The following SCYL2 variants were observed in gnomAD, a reference collection of about 807,000 sequenced individuals.
SCYL2 encodes the protein SCY1-like protein 2.
Under a neutral mutation model 100.4 loss-of-function variants are expected in SCYL2, and 36 were observed. The observed-to-expected ratio is 0.36, with a 90% CI of 0.27 to 0.47. SCYL2 has a LOEUF of 0.47. SCYL2 is among the 20% of genes least tolerant of loss of function. The pLI is 1.00. For missense variants in SCYL2, 902 were observed against 1,083.9 expected, an observed-to-expected ratio of 0.83 and a Z score of 2.36; for synonymous variants, 330 against 359.2, an observed-to-expected ratio of 0.92 and a Z score of 0.92.
intron 11 of SCYL2, 50 bp downstream of exon 11, chr12:100,323,688 T>G (rs1474974322): frequency 2.1e-6 from 2 of 940,586 alleles, no homozygotes; most frequent in Non-Finnish European, 3.3e-6. Context: ...TGTCAGTGCT[T>G]TAAATCATTT....
chr12:100,323,520 T>G lies in SCYL2; in HGVS notation c.1396-5T>G, dbSNP rs7971710. On this transcript the variant is annotated splice_region_variant and splice_polypyrimidine_tract_variant and intron_variant, in intron 10 of 17. Transcript: ENST00000360820. Reference sequence around the variant, plus strand: ...TAATATTGATTCAGTTTATTTTCTTTATAGGAGCTCTGTCTAAACATCATT... The same window carrying G: ...TAATATTGATTCAGTTTATTTTCTTGATAGGAGCTCTGTCTAAACATCATT... 14,620 of 1,503,512 alleles carry G rather than the reference T, an allele frequency of 9.7e-3. 889 individuals are homozygous for G. In the African/African-American group the frequency reaches 0.14, roughly 15 times the overall value. 93.1% of individuals were successfully genotyped at this position (1,503,512 alleles called of 1,614,324 possible). A position where few individuals can be genotyped will look rare whatever the true frequency, so the allele number is the denominator to read the frequency against.
intron 1 of SCYL2, among the ~76,000 whole-genome samples, chr12:100,282,046 C>G (rs910242117): frequency 6.6e-6 from 1 of 151,998 alleles, no homozygotes; most frequent in African/African-American, 2.4e-5. Flanking sequence ...GAGACAGAGT[C>G]TGGTGCTGTC....
intron 1 of SCYL2, among the ~76,000 whole-genome samples, chr12:100,272,600 G>A (rs906554422): frequency 6.6e-6 from 1 of 152,028 alleles, no homozygotes; most frequent in Admixed American, 6.6e-5. Context: ...TGTCATTCAG[G>A]CAGCTCAAAT....
intron 1 of SCYL2, among the ~76,000 whole-genome samples, chr12:100,280,999 A>G (rs1210141407): frequency 1.3e-5 from 1 of 76,116 alleles, no homozygotes; most frequent in African/African-American, 4.9e-5. Context: ...TGTGTATTTT[A>G]TTGTCCCTTT....
At position 100,298,017 on chromosome 12, in the gene SCYL2, CT is replaced by C. The variant is rs1566353868; in HGVS notation, c.336-8del. ...ATAATATGATAGTAAATAACTTTTT[CT>C]TTTTTAAAACAGGGATTGCTTGGCA... On this transcript the variant is annotated splice_polypyrimidine_tract_variant and intron_variant, in intron 3 of 17. Transcript: ENST00000360820. 6.3e-7 allele frequency: 1 copy of C among 1,595,832 alleles called. No homozygotes were observed. The highest frequency in any genetic ancestry group is 8.5e-7 in the Non-Finnish European group (1 of 1,172,030).
intron 2 of SCYL2, among the ~76,000 whole-genome samples, chr12:100,284,377 T>G (rs2096302194): frequency 6.6e-6 from 1 of 152,224 alleles, no homozygotes; most frequent in Non-Finnish European, 1.5e-5. Flanking sequence ...TTTCTGTATT[T>G]ATTGCTTTGG....
At chr12:100,329,417 G>A (rs1952180755) in intron 13 of SCYL2, 98 bp downstream of exon 13, 1 of 607,940 alleles carries the variant, frequency 1.6e-6, no homozygotes, top group South Asian at 2.4e-5. Context: ...AAAAAAAAAG[G>A]GTGAGGGGAG....
intron 11 of SCYL2, among the ~76,000 whole-genome samples, chr12:100,325,022 G>C (rs1440251076): frequency 6.6e-6 from 1 of 152,062 alleles, no homozygotes; most frequent in African/African-American, 2.4e-5. Context: ...CGAGCACTGA[G>C]TTCAAGACGA....
At chr12:100,294,821 C>T (rs1252762751) in intron 3 of SCYL2, among the ~76,000 whole-genome samples, 3 of 148,422 alleles carry the variant, frequency 2.0e-5, no homozygotes, top group East Asian at 4.0e-4. Context: ...CCCTCCCGGA[C>T]GGGGTGGCTG....
At chr12:100,320,581 TAAATA>T (rs1485906909) in intron 10 of SCYL2, among the ~76,000 whole-genome samples, 3 of 150,118 alleles carry the variant, frequency 2.0e-5, no homozygotes, top group African/African-American at 7.4e-5. Context: ...AATAAATAAA[TAAATA>T]AATAAATAAA....
At position 100,312,562 on chromosome 12, in the gene SCYL2, C is replaced by T. The variant is rs190122803; in HGVS notation, c.761C>T (p.Thr254Ile). The T allele has an allele frequency of 6.2e-6, 10 of 1,612,608 alleles. No homozygotes were observed. In the African/African-American group the frequency reaches 1.3e-4, roughly 22 times the overall value. ...ETASDMYSLG[T>I]VMYAVFNKGK... ...GCCAGTGATATGTATTCTTTAGGAA[C>T]TGTTATGTATGCTGTATTTAATAAA... The change falls in exon 6 of 18, where the codon ACT (threonine) becomes ATT (isoleucine). Residue 254 changes from threonine (T) to isoleucine (I), a missense_variant. Thr to Ile is a moderately conservative substitution (Grantham distance 89). Transcript: ENST00000360820.
Position 100,334,162 on chromosome 12 carries a change from C to T in SCYL2, c.1762-4C>T, listed in dbSNP as rs571848269. ...GTAACCATATCAATTTCTCATTATA[C>T]CAGTTCAATTCTTTCATTTCCGTCA... On this transcript the variant is annotated splice_region_variant and splice_polypyrimidine_tract_variant and intron_variant, in intron 13 of 17. Transcript: ENST00000360820. The T allele has an allele frequency of 1.8e-5, 28 of 1,525,596 alleles. No homozygotes were observed. In the East Asian group the frequency reaches 5.6e-4, roughly 31 times the overall value. The allele number at this position is 1,525,596 out of a possible 1,614,324, so 94.5% of individuals were successfully genotyped here.
intron 16 of SCYL2, 67 bp from the exon 17 acceptor site, chr12:100,337,320 T>C: frequency 1.3e-6 from 2 of 1,583,534 alleles, no homozygotes. Context: ...CCCGAAGAGA[T>C]TATCTTTTGT....
chr12:100,314,602 A>G lies in SCYL2; in HGVS notation c.1083A>G (p.Pro361=), dbSNP rs2096346258. 4 of 1,596,064 alleles carry G rather than the reference A, an allele frequency of 2.5e-6. No homozygotes were observed. The highest frequency in any genetic ancestry group is 2.6e-6 in the Non-Finnish European group (3 of 1,175,128). Residue 361 remains proline, a synonymous_variant, in exon 8 of 18, where the codon CCA becomes CCG. Coordinates refer to ENST00000360820, the MANE Select transcript of SCYL2 (RefSeq NM_017988.6). ...TCAAAGGACTGCCAAAGGTTCTACC[A>G]AAACTGCCCAAGGTTTGTTATTGTT... ...QFFKGLPKVL[P]KLPKRVIVQR...
intron 2 of SCYL2, among the ~76,000 whole-genome samples, chr12:100,285,889 T>C (rs2096303970): frequency 6.6e-6 from 1 of 152,184 alleles, no homozygotes; most frequent in African/African-American, 2.4e-5. Context: ...TTACTAATTT[T>C]TAAGTTATAC....
At chr12:100,322,052 A>G (rs1441242949) in intron 10 of SCYL2, among the ~76,000 whole-genome samples, 2 of 150,844 alleles carry the variant, frequency 1.3e-5, no homozygotes, top group African/African-American at 4.9e-5. Flanking sequence ...TCCAAAAAAA[A>G]AAAAAAAAGA....
chr12:100,316,439 A>G (rs1039280204), intron 9 of SCYL2, among the ~76,000 whole-genome samples: 7 of 152,256 alleles, frequency 4.6e-5, no homozygotes, highest in African/African-American at 1.7e-4. Flanking sequence ...GTTGAGATTA[A>G]ATGAAATTTT....
In SCYL2 at chr12:100,329,194, C is replaced by A. The variant is rs367624388; in HGVS notation, c.1643-7C>A. On this transcript the variant is annotated splice_polypyrimidine_tract_variant and splice_region_variant and intron_variant, in intron 12 of 17. Transcript: ENST00000360820. ...CTTATAAAATTTGTCACATTCTTTT[C>A]TATCAGGTATTTACAAATGTACTTT... is the stretch of plus-strand genomic sequence containing the variant. 2.2e-5 allele frequency: 30 copies of A among 1,350,608 alleles called. No individual in the cohort carries two copies. In the African/African-American group the frequency reaches 3.9e-4, roughly 17 times the overall value. The allele number at this position is 1,350,608 out of a possible 1,614,324, so 83.7% of individuals were successfully genotyped here. A position where few individuals can be genotyped will look rare whatever the true frequency, so the allele number is the denominator to read the frequency against.
intron 1 of SCYL2, among the ~76,000 whole-genome samples, chr12:100,272,332 C>G (rs565911523): frequency 1.3e-5 from 2 of 152,208 alleles, no homozygotes; most frequent in East Asian, 1.9e-4. Context: ...TATTTGGACT[C>G]TTAGGTTTCT....
Sources: allele counts gnomAD v4.1 joint callset (sites outside exome capture counted in the v4.1 genomes callset), GRCh38; gene constraint gnomAD v4.1.1; transcripts MANE v1.5; gene names NCBI Gene and HGNC (gene_info 2026-07-23, HGNC 2026-07-21).